The following NELL1 variants were observed in gnomAD, a reference collection of about 807,000 sequenced individuals.
NELL1 encodes neural EGFL like 1, also known as protein kinase C-binding protein NELL1.
Under a neutral mutation model 107.4 loss-of-function variants are expected in NELL1, and 76 were observed. That is an observed-to-expected ratio of 0.71 (90% confidence interval 0.59 to 0.86). NELL1 has a LOEUF of 0.86. Among genes scored for constraint, NELL1 ranks in the 40% least tolerant of loss-of-function variants. NELL1 has a pLI of 0.00. For missense variants in NELL1, 1,024 were observed against 1,005.5 expected, an observed-to-expected ratio of 1.02 and a Z score of -0.25; for synonymous variants, 353 against 341.2, an observed-to-expected ratio of 1.03 and a Z score of -0.38.
rs1164420669 is a variant in NELL1, at chr11:21,179,862, CTTTTTTTTTT to C, written c.1427-49454_1427-49445del. On this transcript the variant is annotated intron_variant, in intron 13 of 19. Transcript: ENST00000357134. ...AAGGTTTAGGACAGAAATCAACACACTTTTTTTTTTTTTTTTTTTTTTTTTGTAAAGGTCT... is the reference window on the plus strand; with the variant it reads ...AAGGTTTAGGACAGAAATCAACACACTTTTTTTTTTTTTTTGTAAAGGTCT... Among the ~76,000 whole-genome samples, 38 of 75,704 alleles carry C rather than the reference CTTTTTTTTTT, an allele frequency of 5.0e-4. 1 individual carries two copies. The South Asian group carries it at 5.4e-3, about 11-fold the overall frequency. The allele number at this position is 75,704 out of a possible 152,430, so 49.7% of individuals were successfully genotyped here.
intron 5 of NELL1, among the ~76,000 whole-genome samples, chr11:20,915,699 T>TAATATA (rs1242467428): frequency 4.9e-5 from 1 of 20,384 alleles, no homozygotes. Flanking sequence ...TCCTCATAGA[T>TAATATA]GATATATATA....
intron 14 of NELL1, among the ~76,000 whole-genome samples, chr11:21,243,448 T>G (rs538586503): frequency 6.6e-6 from 1 of 152,204 alleles, no homozygotes; most frequent in East Asian, 1.9e-4. Flanking sequence ...CAAACTCTGT[T>G]TTACAGATAA....
intron 2 of NELL1, among the ~76,000 whole-genome samples, chr11:20,707,218 A>C (rs1281028831): frequency 6.6e-6 from 1 of 152,154 alleles, no homozygotes; most frequent in East Asian, 1.9e-4. Flanking sequence ...CTATCAGGTC[A>C]TTTAAGGTCT....
chr11:20,747,270 G>A (rs112157884), intron 2 of NELL1, among the ~76,000 whole-genome samples: 1 of 152,190 alleles, frequency 6.6e-6, no homozygotes, highest in African/African-American at 2.4e-5. Context: ...CATTTTATTA[G>A]TGGAAACAGA....
chr11:20,814,471 C>G (rs1857579302), intron 3 of NELL1, among the ~76,000 whole-genome samples: 1 of 152,150 alleles, frequency 6.6e-6, no homozygotes, highest in African/African-American at 2.4e-5. Context: ...CTAAATAGTC[C>G]CCACTATCTA....
chr11:20,737,100 C>T (rs899937902), intron 2 of NELL1, among the ~76,000 whole-genome samples: 1 of 152,068 alleles, frequency 6.6e-6, no homozygotes, highest in Non-Finnish European at 1.5e-5. Flanking sequence ...GTGTAGCCTT[C>T]TTCCCTACGT....
In NELL1 at chr11:20,669,769, G is replaced by A. The variant is rs1329736780; in HGVS notation, c.46G>A (p.Ala16Thr). ...ILVVWFCVCT[A>T]RTVVGFGMDP... ...AGTTGTGTGGTTCTGTGTGTGCACT[G>A]CCAGGACAGGTAAGCATGACTGTGG... is the stretch of plus-strand genomic sequence containing the variant. Residue 16 changes from alanine to threonine, a missense_variant, in exon 1 of 20, where the codon GCC becomes ACC. By Grantham distance (58) the Ala-to-Thr change is moderately conservative (BLOSUM62 0). Coordinates refer to ENST00000357134, the MANE Select transcript of NELL1 (RefSeq NM_006157.5). The surrounding 1 kb of genome is among the most constrained non-coding windows in gnomAD (Gnocchi z 4.4). 6.2e-7 allele frequency: 1 copy of A among 1,613,454 alleles called. No individual in the cohort carries two copies. The highest frequency in any genetic ancestry group is 1.7e-5 in the Admixed American group (1 of 60,002).
At chr11:21,437,361 A>G (rs934207027) in intron 15 of NELL1, among the ~76,000 whole-genome samples, 1 of 152,172 alleles carries the variant, frequency 6.6e-6, no homozygotes, top group Non-Finnish European at 1.5e-5. Flanking sequence ...TTTTCATTGT[A>G]TAATGACTTT....
chr11:21,536,219 T>C lies in NELL1; in HGVS notation c.1786+1705T>C, dbSNP rs118122714. Among the ~76,000 whole-genome samples, 407 of 152,324 alleles carry C rather than the reference T, an allele frequency of 2.7e-3. 3 individuals carry two copies. The highest frequency in any genetic ancestry group is 3.8e-3 in the Admixed American group (58 of 15,292). On this transcript the variant is annotated intron_variant, in intron 16 of 19. Transcript: ENST00000357134. Reference sequence around the variant, plus strand: ...GATCCTGTCACCAAGGTAGTGAGCATAGTACACAATAGGTAGCCTTCCAAA... The same window carrying C: ...GATCCTGTCACCAAGGTAGTGAGCACAGTACACAATAGGTAGCCTTCCAAA...
intron 5 of NELL1, among the ~76,000 whole-genome samples, chr11:20,906,758 A>G (rs1268153351): frequency 1.3e-5 from 2 of 152,078 alleles, no homozygotes; most frequent in Non-Finnish European, 2.9e-5. Flanking sequence ...GATCATCTCA[A>G]TTGACACAGA....
intron 14 of NELL1, among the ~76,000 whole-genome samples, chr11:21,280,223 G>A (rs964523176): frequency 6.6e-6 from 1 of 152,142 alleles, no homozygotes; most frequent in Non-Finnish European, 1.5e-5. Flanking sequence ...GGTTGATACT[G>A]ATGCATCAGT....
At chr11:21,341,927 G>A (rs1186759010) in intron 14 of NELL1, among the ~76,000 whole-genome samples, 2 of 152,098 alleles carry the variant, frequency 1.3e-5, no homozygotes, top group Admixed American at 1.3e-4. Context: ...CACTGTTAGT[G>A]GTTCACATAA....
chr11:21,552,459 T>G (rs1036379416), intron 16 of NELL1, among the ~76,000 whole-genome samples: 3 of 151,462 alleles, frequency 2.0e-5, no homozygotes, highest in Non-Finnish European at 4.4e-5. Flanking sequence ...CCAACTTAGT[T>G]TGGCTTATAT....
At chr11:20,967,173 G>T (rs1851403149) in intron 12 of NELL1, among the ~76,000 whole-genome samples, 1 of 152,228 alleles carries the variant, frequency 6.6e-6, no homozygotes, top group South Asian at 2.1e-4. Context: ...TTTCAGGCCA[G>T]TTCATAGAAG....
chr11:21,291,213 C>G (rs118158254), intron 14 of NELL1, among the ~76,000 whole-genome samples: 3 of 151,884 alleles, frequency 2.0e-5, no homozygotes, highest in African/African-American at 7.3e-5. Context: ...TATCAATAGC[C>G]GAATTGATCA....
intron 15 of NELL1, among the ~76,000 whole-genome samples, chr11:21,404,271 C>T (rs1402113152): frequency 6.6e-6 from 1 of 151,820 alleles, no homozygotes. Flanking sequence ...TTTTACTGGA[C>T]CCACAGTAGG....
At chr11:21,158,067 G>A (rs1385342025) in intron 13 of NELL1, among the ~76,000 whole-genome samples, 2 of 152,178 alleles carry the variant, frequency 1.3e-5, no homozygotes, top group Non-Finnish European at 2.9e-5. Context: ...GCAGAGGAAC[G>A]TGGAAGGACT....
At chr11:21,238,096 T>C (rs770517849) in intron 14 of NELL1, among the ~76,000 whole-genome samples, 10 of 152,048 alleles carry the variant, frequency 6.6e-5, no homozygotes, top group Non-Finnish European at 1.3e-4. Context: ...CTTCACATAG[T>C]AGACTTCTCA....
chr11:21,518,950 A>G (rs1364563720), intron 15 of NELL1, among the ~76,000 whole-genome samples: 1 of 152,168 alleles, frequency 6.6e-6, no homozygotes, highest in Non-Finnish European at 1.5e-5. Context: ...CTCTCTCATG[A>G]CATGAATTCT....
Sources: allele counts gnomAD v4.1 joint callset (sites outside exome capture counted in the v4.1 genomes callset), GRCh38; gene constraint gnomAD v4.1.1; non-coding constraint Gnocchi (gnomAD v3.1); transcripts MANE v1.5; gene names NCBI Gene and HGNC (gene_info 2026-07-23, HGNC 2026-07-21).